The following TRAPPC8 variants were observed in gnomAD, a reference collection of about 807,000 sequenced individuals.
TRAPPC8 encodes the protein trafficking protein particle complex subunit 8, also known as general sporulation gene 1 homolog.
In TRAPPC8, 54 loss-of-function variants were observed where a neutral mutation model predicts 174.3. That is an observed-to-expected ratio of 0.31 (90% confidence interval 0.25 to 0.39). The LOEUF (loss-of-function observed/expected upper bound fraction) is 0.39, where lower values mean the gene tolerates loss of function less well. Ranked by LOEUF, TRAPPC8 falls within the 10% of genes least tolerant of loss-of-function variation. TRAPPC8 has a pLI of 1.00. For synonymous variants in TRAPPC8, 630 were observed against 579.9 expected, an observed-to-expected ratio of 1.09 and a Z score of -1.24; for missense variants, 1,531 against 1,699.1, an observed-to-expected ratio of 0.90 and a Z score of 1.74.
intron 12 of TRAPPC8, among the ~76,000 whole-genome samples, chr18:31,880,122 T>TATA (rs1491572903): frequency 0.014 from 921 of 65,590 alleles, 3 homozygotes; most frequent in South Asian, 0.048. Flanking sequence ...TATATATATA[T>TATA]TTTTTTTTTT....
At chr18:31,870,832 C>G in intron 15 of TRAPPC8, 94 bp downstream of exon 15, 1 of 1,180,776 alleles carries the variant, frequency 8.5e-7, no homozygotes, top group Non-Finnish European at 1.1e-6. Flanking sequence ...TTTTGCATCC[C>G]CAGCACCAAT....
chr18:31,909,676 C>T lies in TRAPPC8; in HGVS notation c.856G>A (p.Glu286Lys), dbSNP rs550493135. The T allele has an allele frequency of 4.6e-5, 73 of 1,597,660 alleles. 1 individual carries two copies. Among genetic ancestry groups the T allele is most frequent in the South Asian group, 3.1e-4 (27 of 87,514 alleles). Residue 286 changes from glutamate to lysine, a missense_variant, in exon 6 of 29, where the codon GAA becomes AAA. Coordinates refer to ENST00000283351, the MANE Select transcript of TRAPPC8 (RefSeq NM_014939.5). ...NLLSLDGLDNEVKDGLPNNFR... is the reference protein window; with the variant it reads ...NLLSLDGLDNKVKDGLPNNFR... The stretch of plus-strand genomic sequence containing the variant: ...GAAAATATATCAAGACCTTTGACTT[C>T]GTTATCTAATCCATCCAATGAAAGC...
At chr18:31,877,176 G>C (rs1189993548) in intron 12 of TRAPPC8, among the ~76,000 whole-genome samples, 1 of 152,162 alleles carries the variant, frequency 6.6e-6, no homozygotes, top group African/African-American at 2.4e-5. Context: ...CCAGCGGCTG[G>C]AAATGAACAT....
At chr18:31,891,265 G>C (rs2035943005) in intron 11 of TRAPPC8, 1 of 152,416 alleles carries the variant, frequency 6.6e-6, no homozygotes, top group Admixed American at 6.5e-5. Flanking sequence ...AAATTGACTT[G>C]TTGGCATATT....
chr18:31,894,156 AGACT>A (rs1344695411), intron 11 of TRAPPC8, among the ~76,000 whole-genome samples: 2 of 152,226 alleles, frequency 1.3e-5, no homozygotes, highest in African/African-American at 4.8e-5. Context: ...ATCAGTTTCT[AGACT>A]GACTGAGAAT....
chr18:31,887,646 C>CAA (rs34562657), intron 12 of TRAPPC8, among the ~76,000 whole-genome samples: 7,732 of 98,190 alleles, frequency 0.079, 267 homozygotes, highest in Middle Eastern at 0.14. Context: ...AACTCCATCT[C>CAA]AAAAAAAAAA....
At chr18:31,917,130 G>A (rs1382912178) in intron 3 of TRAPPC8, among the ~76,000 whole-genome samples, 4 of 139,908 alleles carry the variant, frequency 2.9e-5, no homozygotes, top group Non-Finnish European at 5.0e-5. Context: ...GTCAGTAACC[G>A]CATTAAGAAA....
rs1568051869 is a variant in TRAPPC8 at position 31,857,600 on chromosome 18, CCTT to C, written c.3125_3127del (p.Glu1042del). Reference sequence around the variant, plus strand: ...AAACAAAAAGTTAATTTCATGGACACCTTCTTCATCAGGCCCACGTAACCACAT... The same window carrying C: ...AAACAAAAAGTTAATTTCATGGACACCTTCATCAGGCCCACGTAACCACAT... On this transcript the variant is annotated inframe_deletion, in exon 20 of 29. Transcript: ENST00000283351. The C allele has an allele frequency of 6.2e-7, 1 of 1,612,394 alleles. No individual in the cohort carries two copies.
At chr18:31,888,097 T>C (rs2035800146) in intron 12 of TRAPPC8, among the ~76,000 whole-genome samples, 1 of 151,714 alleles carries the variant, frequency 6.6e-6, no homozygotes, top group Non-Finnish European at 1.5e-5. Context: ...GCAAAGAACA[T>C]GAACAGACAC....
intron 16 of TRAPPC8, among the ~76,000 whole-genome samples, chr18:31,868,294 A>G (rs1447422081): frequency 1.3e-5 from 2 of 152,200 alleles, no homozygotes; most frequent in African/African-American, 4.8e-5. Flanking sequence ...TCAGCATCTT[A>G]GTCCATCACC....
At position 31,842,264 on chromosome 18, in the gene TRAPPC8, G is replaced by A. The variant is rs574069468; in HGVS notation, c.3838-2807C>T. On this transcript the variant is annotated intron_variant, in intron 26 of 28. Coordinates refer to ENST00000283351, the MANE Select transcript of TRAPPC8 (RefSeq NM_014939.5). ...TATTTTCTCAGAGTTAAGTAATGGT[G>A]AGATGTTAATCACTACAACACAGTT... 2.6e-5 allele frequency among the ~76,000 whole-genome samples: 4 copies of A among 152,292 alleles called. No homozygotes were observed. The East Asian group carries it at 5.8e-4, about 22-fold the overall frequency.
Position 31,870,100 on chromosome 18 carries a change from A to T in TRAPPC8, c.2388+272T>A, listed in dbSNP as rs558649824. ...GCGTGAGACTCTGTCTCAAAAAAAA[A>T]AAAAATAAAAACAAAATGACTGGAA... is the stretch of plus-strand genomic sequence containing the variant. On this transcript the variant is annotated intron_variant, in intron 16 of 28. Coordinates refer to ENST00000283351, the MANE Select transcript of TRAPPC8 (RefSeq NM_014939.5). 443 of 189,020 alleles carry T rather than the reference A, an allele frequency of 2.3e-3. 1 individual carries two copies. The highest frequency in any genetic ancestry group is 9.3e-3 in the African/African-American group (395 of 42,662). 11.7% of individuals were successfully genotyped at this position (189,020 alleles called of 1,614,324 possible). A position where few individuals can be genotyped will look rare whatever the true frequency, so the allele number is the denominator to read the frequency against.
chr18:31,860,194 T>C (rs2079839757), intron 19 of TRAPPC8, among the ~76,000 whole-genome samples: 1 of 152,130 alleles, frequency 6.6e-6, no homozygotes, highest in Non-Finnish European at 1.5e-5. Flanking sequence ...CAAAATGACA[T>C]GCTTAGGATT....
intron 11 of TRAPPC8, among the ~76,000 whole-genome samples, chr18:31,893,814 A>G (rs928849910): frequency 1.3e-5 from 2 of 152,152 alleles, no homozygotes; most frequent in Non-Finnish European, 2.9e-5. Flanking sequence ...CACACTGCAC[A>G]TATGCATGCA....
At chr18:31,913,259 A>G (rs1245991293) in intron 5 of TRAPPC8, 110 bp downstream of exon 5, 2 of 1,268,756 alleles carry the variant, frequency 1.6e-6, no homozygotes, top group East Asian at 2.6e-5. Flanking sequence ...TGACAGATCA[A>G]AACTGACCAG....
At chr18:31,919,222 T>C (rs1010846492) in intron 2 of TRAPPC8, among the ~76,000 whole-genome samples, 5 of 152,072 alleles carry the variant, frequency 3.3e-5, no homozygotes, top group African/African-American at 1.2e-4. Flanking sequence ...GGGCATGGCG[T>C]TTCACACCTA....
chr18:31,869,617 A>G (rs908502730), intron 16 of TRAPPC8, among the ~76,000 whole-genome samples: 1 of 152,250 alleles, frequency 6.6e-6, no homozygotes, highest in Non-Finnish European at 1.5e-5. Flanking sequence ...AAACTTGCCA[A>G]AAAACTATCA....
chr18:31,860,537 C>T (rs2034273892), intron 19 of TRAPPC8, among the ~76,000 whole-genome samples: 1 of 152,132 alleles, frequency 6.6e-6, no homozygotes, highest in Non-Finnish European at 1.5e-5. Context: ...TATATTGTTA[C>T]AGATTATTTC....
Position 31,943,091 on chromosome 18 carries a change from T to C in TRAPPC8, c.-327A>G, listed in dbSNP as rs1339792249. 1 of 419,018 alleles carries C rather than the reference T, an allele frequency of 2.4e-6. No homozygotes were observed. Among genetic ancestry groups the C allele is most frequent in the Non-Finnish European group, 4.1e-6 (1 of 243,952 alleles). 26.0% of individuals were successfully genotyped at this position (419,018 alleles called of 1,614,324 possible). On this transcript the variant is annotated 5_prime_UTR_variant, in exon 1 of 29. An upstream start codon of the reference 5' UTR is lost. Transcript: ENST00000283351. ...GGTCACTGCCCGGCCGGAACCGCCA[T>C]GTTGAGGCCGAACCCTGACCAACCG...
Sources: gnomAD v4.1 joint callset for allele counts (sites outside exome capture counted in the v4.1 genomes callset) on GRCh38, gnomAD v4.1.1 for gene constraint, MANE v1.5 for transcripts, NCBI Gene and HGNC (gene_info 2026-07-23, HGNC 2026-07-21) for gene names.